CAST: variants seen among roughly 807,000 people sequenced by gnomAD.
CAST encodes the protein MIR583 host.
Under a neutral mutation model 119.6 loss-of-function variants are expected in CAST, and 76 were observed. The observed-to-expected ratio is 0.64, with a 90% CI of 0.53 to 0.77. The LOEUF (loss-of-function observed/expected upper bound fraction) is 0.77. CAST is among the 30% of genes least tolerant of loss of function. The pLI, the probability that CAST is intolerant of heterozygous loss-of-function variation, is 0.00. For synonymous variants in CAST, 319 were observed against 331.6 expected, an observed-to-expected ratio of 0.96 and a Z score of 0.41; for missense variants, 953 against 946.5, an observed-to-expected ratio of 1.01 and a Z score of -0.09.
the CAST span, among the ~76,000 whole-genome samples, chr5:96,514,714 G>C: frequency 6.6e-6 from 1 of 152,006 alleles, no homozygotes; most frequent in African/African-American, 2.4e-5. Flanking sequence ...TATTGTGTTT[G>C]TGCTATTTCC....
At chr5:96,305,649 G>T in the CAST span, among the ~76,000 whole-genome samples, 13 of 152,092 alleles carry the variant, frequency 8.5e-5, no homozygotes, top group Middle Eastern at 3.2e-3. Flanking sequence ...GTTTTTGGGA[G>T]TTTTTAGCAT....
At chr5:96,166,837 A>C in the CAST span, among the ~76,000 whole-genome samples, 1 of 152,188 alleles carries the variant, frequency 6.6e-6, no homozygotes, top group Non-Finnish European at 1.5e-5. Flanking sequence ...ATGTCTTCTT[A>C]TATTAATAAG....
the CAST span, among the ~76,000 whole-genome samples, chr5:96,438,909 A>T: frequency 6.6e-6 from 1 of 152,310 alleles, no homozygotes; most frequent in East Asian, 1.9e-4. Flanking sequence ...GATATTCATA[A>T]CTTCTCATTC....
chr5:96,666,257 A>AACACACACACAT (rs137971293), intron 1 of CAST, among the ~76,000 whole-genome samples: 1 of 150,044 alleles, frequency 6.7e-6, no homozygotes, highest in Non-Finnish European at 1.5e-5. Context: ...GGTTGTAGTA[A>AACACACACACAT]ACACACACAC....
At chr5:96,189,941 C>T in the CAST span, among the ~76,000 whole-genome samples, 6 of 152,162 alleles carry the variant, frequency 3.9e-5, no homozygotes, top group African/African-American at 1.4e-4. Flanking sequence ...TTATCTTGAT[C>T]TTTCTCTTTA....
Position 96,561,238 on chromosome 5 carries a change from A to G in CAST, c.60+31358A>G, listed in dbSNP as rs929832579. On this transcript the variant is annotated intron_variant, in intron 1 of 11. Coordinates refer to the CAST transcript ENST00000505143. ...GAGGGGAGACGGATAGCATTAGGAG[A>G]TATACCTAATAATGTTAAATGATGA... Among the ~76,000 whole-genome samples, 11 of 150,870 alleles carry G rather than the reference A, an allele frequency of 7.3e-5. 1 individual carries two copies. The highest frequency in any genetic ancestry group is 3.3e-4 in the Admixed American group (5 of 15,102).
chr5:96,247,805 G>A, the CAST span: 1 of 152,198 alleles, frequency 6.6e-6, no homozygotes, highest in African/African-American at 2.4e-5. Context: ...CATCTACAGT[G>A]TTATCTTATA....
intron 16 of CAST, chr5:96,743,747 G>C: frequency 6.4e-7 from 1 of 1,569,412 alleles, no homozygotes; most frequent in Non-Finnish European, 8.7e-7. Context: ...CCAGGACCAA[G>C]TAATGTATTG....
the CAST span, among the ~76,000 whole-genome samples, chr5:96,437,734 T>C: frequency 6.6e-6 from 1 of 152,124 alleles, no homozygotes; most frequent in Non-Finnish European, 1.5e-5. Context: ...AATGAGTCCG[T>C]AGTGATTCAT....
At chr5:96,161,329 G>A in the CAST span, among the ~76,000 whole-genome samples, 1 of 151,968 alleles carries the variant, frequency 6.6e-6, no homozygotes, top group African/African-American at 2.4e-5. Flanking sequence ...TTTTACATGT[G>A]CATATTGTTG....
intron 2 of CAST, among the ~76,000 whole-genome samples, chr5:96,678,541 C>A (rs936875882): frequency 4.8e-4 from 73 of 152,032 alleles, no homozygotes; most frequent in African/African-American, 1.6e-3. Flanking sequence ...CGTTATATTG[C>A]CATATATAAA....
intron 1 of CAST, among the ~76,000 whole-genome samples, chr5:96,570,710 A>C (rs1746552833): frequency 6.6e-6 from 1 of 152,190 alleles, no homozygotes; most frequent in South Asian, 2.1e-4. Context: ...GATTTAAATT[A>C]GTTTTTACTA....
chr5:96,164,338 G>A, the CAST span, among the ~76,000 whole-genome samples: 1 of 152,226 alleles, frequency 6.6e-6, no homozygotes, highest in Non-Finnish European at 1.5e-5. Context: ...AAAGTAGAAA[G>A]TGTCAACTGA....
chr5:96,605,037 G>A (rs895176469), intron 1 of CAST, among the ~76,000 whole-genome samples: 1 of 152,162 alleles, frequency 6.6e-6, no homozygotes, highest in Non-Finnish European at 1.5e-5. Context: ...CCTGTGATAA[G>A]GAGAGGGAAG....
chr5:96,136,241 TTA>T, the CAST span, among the ~76,000 whole-genome samples: 1 of 152,214 alleles, frequency 6.6e-6, no homozygotes, highest in Non-Finnish European at 1.5e-5. Flanking sequence ...TAATTTGATA[TTA>T]TGTTATTTAT....
At chr5:96,560,444 T>C (rs1222037101) in intron 1 of CAST, among the ~76,000 whole-genome samples, 2 of 151,732 alleles carry the variant, frequency 1.3e-5, no homozygotes, top group African/African-American at 4.8e-5. Flanking sequence ...AGAAAATTTT[T>C]GCAATCTACT....
the CAST span, among the ~76,000 whole-genome samples, chr5:96,200,855 G>T: frequency 6.6e-6 from 1 of 152,216 alleles, no homozygotes. Context: ...ATAAATGTTG[G>T]CCAGCAGCCA....
At chr5:96,194,483 C>T in the CAST span, among the ~76,000 whole-genome samples, 14 of 152,154 alleles carry the variant, frequency 9.2e-5, no homozygotes, top group East Asian at 2.1e-3. Flanking sequence ...GGTGTATCAG[C>T]GAAGGAAACA....
At chr5:96,503,923 A>AGG in the CAST span, among the ~76,000 whole-genome samples, 1 of 152,192 alleles carries the variant, frequency 6.6e-6, no homozygotes, top group African/African-American at 2.4e-5. Context: ...GAAGAAGAAA[A>AGG]TGGAAAAAGA....
Sources: allele counts gnomAD v4.1 joint callset (sites outside exome capture counted in the v4.1 genomes callset), GRCh38; gene constraint gnomAD v4.1.1; transcripts MANE v1.5; gene names NCBI Gene and HGNC (gene_info 2026-07-23, HGNC 2026-07-21).